The following FRMD5 variants were observed in gnomAD, a reference collection of about 807,000 sequenced individuals.
FRMD5 encodes FERM domain containing 5.
A neutral mutation model predicts 69.0 loss-of-function variants in FRMD5; 20 were observed. The observed-to-expected ratio is 0.29, with a 90% CI of 0.20 to 0.42. FRMD5 has a LOEUF of 0.42. Among genes scored for constraint, FRMD5 ranks in the 10% least tolerant of loss-of-function variants. The probability of loss-of-function intolerance (pLI) is 1.00; values close to 1 mark genes in which losing one functional copy is unlikely to be tolerated. For synonymous variants in FRMD5, 271 were observed against 260.1 expected (o/e 1.04, Z -0.40); for missense variants, 595 against 708.6 (o/e 0.84, Z 1.82).
intron 1 of FRMD5, among the ~76,000 whole-genome samples, chr15:43,972,391 T>TA (rs1406385526): frequency 1.1e-4 from 17 of 152,194 alleles, no homozygotes; most frequent in Admixed American, 5.9e-4. Flanking sequence ...CTTACTTTAT[T>TA]GAGTTTTAAT....
chr15:44,122,449 C>T (rs1215964726), intron 1 of FRMD5, among the ~76,000 whole-genome samples: 1 of 151,878 alleles, frequency 6.6e-6, no homozygotes, highest in African/African-American at 2.4e-5. Flanking sequence ...GCCTGTAGTC[C>T]CAGGTGCACT....
intron 1 of FRMD5, among the ~76,000 whole-genome samples, chr15:44,127,954 T>C (rs1019543000): frequency 6.6e-6 from 1 of 152,194 alleles, no homozygotes; most frequent in African/African-American, 2.4e-5. Flanking sequence ...GAGGCAGCTG[T>C]AGCAATCTGG....
chr15:44,086,110 C>T (rs1328966619), intron 1 of FRMD5, among the ~76,000 whole-genome samples: 1 of 152,000 alleles, frequency 6.6e-6, no homozygotes, highest in African/African-American at 2.4e-5. Flanking sequence ...CAATAATATC[C>T]ATATGTGTTA....
At chr15:44,037,403 T>C (rs1191769970) in intron 1 of FRMD5, among the ~76,000 whole-genome samples, 1 of 152,096 alleles carries the variant, frequency 6.6e-6, no homozygotes, top group African/African-American at 2.4e-5. Context: ...GGCATTTGAG[T>C]TGGTTCCAAG....
At chr15:43,883,873 A>G in intron 12 of FRMD5, 64 bp from the exon 13 acceptor site, 1 of 1,174,688 alleles carries the variant, frequency 8.5e-7, no homozygotes, top group Non-Finnish European at 1.3e-6. Flanking sequence ...GGCACTTAAG[A>G]ATTGAGTACT....
intron 1 of FRMD5, among the ~76,000 whole-genome samples, chr15:44,141,041 A>G (rs2077267283): frequency 6.6e-6 from 1 of 152,126 alleles, no homozygotes; most frequent in Non-Finnish European, 1.5e-5. Context: ...AAAAAAACCA[A>G]TTACAATAGC....
chr15:44,129,520 CT>C (rs994396083), intron 1 of FRMD5, among the ~76,000 whole-genome samples: 5 of 151,350 alleles, frequency 3.3e-5, no homozygotes, highest in Middle Eastern at 3.4e-3. Flanking sequence ...CTCAGAGGCA[CT>C]TTTTTTTTAA....
intron 1 of FRMD5, among the ~76,000 whole-genome samples, chr15:44,162,553 T>G (rs2077633568): frequency 6.6e-6 from 1 of 152,122 alleles, no homozygotes; most frequent in Non-Finnish European, 1.5e-5. Context: ...GGCTGAAAAT[T>G]TAATGTTCTC....
chr15:43,882,094 T>G (rs888437063), intron 13 of FRMD5, among the ~76,000 whole-genome samples: 3 of 152,148 alleles, frequency 2.0e-5, no homozygotes, highest in Non-Finnish European at 4.4e-5. Flanking sequence ...AGCACTCAAC[T>G]TTACACCTGT....
chr15:43,920,247 G>A (rs576821878), intron 2 of FRMD5, among the ~76,000 whole-genome samples: 3 of 152,238 alleles, frequency 2.0e-5, no homozygotes, highest in Non-Finnish European at 4.4e-5. Context: ...CAGGGGAGTG[G>A]GAATAGAAGA....
chr15:44,006,070 C>T (rs1011606507), intron 1 of FRMD5, among the ~76,000 whole-genome samples: 4 of 152,144 alleles, frequency 2.6e-5, no homozygotes, highest in Non-Finnish European at 5.9e-5. Flanking sequence ...GTAAAGTCAA[C>T]GTCTGGCTTC....
chr15:44,134,362 C>T (rs74489876), intron 1 of FRMD5, among the ~76,000 whole-genome samples: 1,850 of 152,164 alleles, frequency 0.012, 31 homozygotes, highest in African/African-American at 0.041. Flanking sequence ...ATATTAACAG[C>T]GCTTCTTAGA....
chr15:44,115,046 T>A (rs555185676), intron 1 of FRMD5, among the ~76,000 whole-genome samples: 1 of 152,150 alleles, frequency 6.6e-6, no homozygotes, highest in Admixed American at 6.6e-5. Context: ...ATTCACTTTT[T>A]AAAAAAAACT....
chr15:44,087,007 T>C (rs993918073), intron 1 of FRMD5, among the ~76,000 whole-genome samples: 6 of 152,130 alleles, frequency 3.9e-5, no homozygotes, highest in Non-Finnish European at 5.9e-5. Flanking sequence ...TAGAAACAGA[T>C]AAAGAGGTAG....
At chr15:44,011,320 G>A (rs1343102440) in intron 1 of FRMD5, among the ~76,000 whole-genome samples, 1 of 152,048 alleles carries the variant, frequency 6.6e-6, no homozygotes, top group African/African-American at 2.4e-5. Context: ...TTGTAGCAAT[G>A]GGAATTGAGA....
At chr15:44,173,953 A>C (rs1055241904) in intron 1 of FRMD5, among the ~76,000 whole-genome samples, 16 of 152,234 alleles carry the variant, frequency 1.1e-4, no homozygotes, top group African/African-American at 3.6e-4. Context: ...ATCTTCACAC[A>C]ACTCTTGGGA....
At chr15:44,166,783 CAAAAAA>C (rs1006711939) in intron 1 of FRMD5, among the ~76,000 whole-genome samples, 6 of 53,014 alleles carry the variant, frequency 1.1e-4, no homozygotes, top group Admixed American at 8.3e-4. Flanking sequence ...GACCCTATCT[CAAAAAA>C]AAAAAAAAAA....
chr15:43,903,313 A>T (rs2089091934), intron 6 of FRMD5, among the ~76,000 whole-genome samples: 1 of 152,188 alleles, frequency 6.6e-6, no homozygotes, highest in Non-Finnish European at 1.5e-5. Flanking sequence ...TAAGCTTATC[A>T]TTTGCCTCAG....
intron 1 of FRMD5, among the ~76,000 whole-genome samples, chr15:44,163,108 A>G (rs2077650479): frequency 6.6e-6 from 1 of 152,124 alleles, no homozygotes; most frequent in African/African-American, 2.4e-5. Flanking sequence ...CGAGAGGCGG[A>G]GCTTGCAGTG....
Sources: gnomAD v4.1 joint callset for allele counts (sites outside exome capture counted in the v4.1 genomes callset) on GRCh38, gnomAD v4.1.1 for gene constraint, MANE v1.5 for transcripts, NCBI Gene and HGNC (gene_info 2026-07-23, HGNC 2026-07-21) for gene names.